AGBL4: variants seen among roughly 807,000 people sequenced by gnomAD.
AGBL4 encodes the protein AGBL carboxypeptidase 4, also known as cytosolic carboxypeptidase 6.
A neutral mutation model predicts 66.4 loss-of-function variants in AGBL4; 58 were observed. The observed-to-expected ratio is 0.87, with a 90% CI of 0.71 to 1.09. The LOEUF is 1.09. Ranked by LOEUF, AGBL4 falls within the 50% of genes least tolerant of loss-of-function variation. The probability of loss-of-function intolerance (pLI) is 0.00; values close to 1 mark genes in which losing one functional copy is unlikely to be tolerated. For missense variants in AGBL4, 579 were observed against 631.0 expected, an observed-to-expected ratio of 0.92 and a Z score of 0.88; for synonymous variants, 234 against 222.9, an observed-to-expected ratio of 1.05 and a Z score of -0.44.
chr1:48,854,986 C>G (rs1027119643), intron 6 of AGBL4, among the ~76,000 whole-genome samples: 1 of 152,166 alleles, frequency 6.6e-6, no homozygotes, highest in Non-Finnish European at 1.5e-5. Flanking sequence ...GTGGATTATT[C>G]ATTTACAAGA....
chr1:48,793,445 G>A (rs1289431539), intron 6 of AGBL4, among the ~76,000 whole-genome samples: 1 of 152,148 alleles, frequency 6.6e-6, no homozygotes, highest in Admixed American at 6.5e-5. Context: ...ATCCATGTCA[G>A]GTACTTCCTG....
At chr1:49,500,643 C>T (rs1480307930) in intron 3 of AGBL4, among the ~76,000 whole-genome samples, 1 of 152,008 alleles carries the variant, frequency 6.6e-6, no homozygotes, top group Non-Finnish European at 1.5e-5. Context: ...AATGTCCTTT[C>T]CCCACTTTAT....
intron 1 of AGBL4, among the ~76,000 whole-genome samples, chr1:49,917,648 C>A (rs1284524040): frequency 2.0e-5 from 3 of 152,086 alleles, no homozygotes; most frequent in Non-Finnish European, 2.9e-5. Context: ...GACTTTAACA[C>A]CCCACTGTCA....
At chr1:49,840,102 G>T (rs1162271684) in intron 2 of AGBL4, among the ~76,000 whole-genome samples, 1 of 151,014 alleles carries the variant, frequency 6.6e-6, no homozygotes, top group African/African-American at 2.4e-5. Context: ...CTGGTCCAGG[G>T]TTTTTTTTTG....
intron 1 of AGBL4, among the ~76,000 whole-genome samples, chr1:49,939,944 C>A (rs1323962153): frequency 6.6e-6 from 1 of 152,236 alleles, no homozygotes; most frequent in East Asian, 1.9e-4. Context: ...ATTTTCGTAA[C>A]CTACTCATCT....
chr1:49,910,793 C>T (rs1224609299), intron 1 of AGBL4, among the ~76,000 whole-genome samples: 1 of 152,046 alleles, frequency 6.6e-6, no homozygotes, highest in African/African-American at 2.4e-5. Context: ...CTAGGCAACA[C>T]GGTGAAAACC....
At chr1:48,946,040 G>A (rs1045229770) in intron 5 of AGBL4, among the ~76,000 whole-genome samples, 4 of 152,046 alleles carry the variant, frequency 2.6e-5, no homozygotes, top group Admixed American at 1.3e-4. Flanking sequence ...TTCTGTTCAC[G>A]CTATTCCACC....
intron 4 of AGBL4, among the ~76,000 whole-genome samples, chr1:49,164,288 C>A (rs1646592802): frequency 6.6e-6 from 1 of 151,974 alleles, no homozygotes; most frequent in African/African-American, 2.4e-5. Context: ...ACTACCAGGT[C>A]AATTGCCTTA....
At chr1:49,412,359 T>C (rs2148628741) in intron 3 of AGBL4, among the ~76,000 whole-genome samples, 1 of 152,150 alleles carries the variant, frequency 6.6e-6, no homozygotes, top group South Asian at 2.1e-4. Context: ...GGACTCTTCT[T>C]ATAAGAACAC....
intron 3 of AGBL4, among the ~76,000 whole-genome samples, chr1:49,337,183 C>T (rs1247943106): frequency 6.6e-6 from 1 of 152,122 alleles, no homozygotes; most frequent in African/African-American, 2.4e-5. Context: ...ACATGGTTAT[C>T]TTCTTCCTTT....
intron 5 of AGBL4, among the ~76,000 whole-genome samples, chr1:49,003,312 C>T (rs533176046): frequency 2.0e-5 from 3 of 152,142 alleles, no homozygotes; most frequent in Admixed American, 6.5e-5. Flanking sequence ...GCAGGAGAAT[C>T]GCTTGAACCC....
chr1:49,313,121 G>T (rs551878744), intron 3 of AGBL4, among the ~76,000 whole-genome samples: 1 of 151,826 alleles, frequency 6.6e-6, no homozygotes, highest in Non-Finnish European at 1.5e-5. Flanking sequence ...GAGAACATGC[G>T]GTGTTTGGTT....
intron 4 of AGBL4, among the ~76,000 whole-genome samples, chr1:49,051,545 T>G (rs1240657950): frequency 1.3e-5 from 2 of 152,150 alleles, no homozygotes; most frequent in African/African-American, 4.8e-5. Context: ...GCTGAATCTC[T>G]CATTTGTCAT....
intron 3 of AGBL4, among the ~76,000 whole-genome samples, chr1:49,260,174 T>C (rs1652985145): frequency 6.6e-6 from 1 of 151,248 alleles, no homozygotes; most frequent in South Asian, 2.1e-4. Context: ...AGAGGGAAAT[T>C]TATAGCACTG....
chr1:49,088,643 A>G (rs928345119), intron 4 of AGBL4, among the ~76,000 whole-genome samples: 9 of 152,176 alleles, frequency 5.9e-5, no homozygotes, highest in Admixed American at 4.6e-4. Flanking sequence ...CTAATCATAC[A>G]ATAATAGTAG....
intron 5 of AGBL4, among the ~76,000 whole-genome samples, chr1:48,997,804 A>G (rs762145158): frequency 1.0e-3 from 152 of 152,354 alleles, no homozygotes; most frequent in Non-Finnish European, 1.9e-3. Context: ...AGCTTGGCAC[A>G]TAAGTGCTTG....
intron 6 of AGBL4, among the ~76,000 whole-genome samples, chr1:48,820,303 T>C (rs373240461): frequency 1.3e-5 from 2 of 152,150 alleles, no homozygotes; most frequent in Non-Finnish European, 2.9e-5. Context: ...GTACAGAATA[T>C]AGAGGCATCA....
chr1:49,271,622 T>C (rs1644061200), intron 3 of AGBL4, among the ~76,000 whole-genome samples: 2 of 152,110 alleles, frequency 1.3e-5, no homozygotes, highest in Admixed American at 6.6e-5. Context: ...ATTTCTTAGT[T>C]GACTAAAACC....
chr1:48,867,052 A>G, intron 6 of AGBL4, 139 bp downstream of exon 6: 1 of 967,300 alleles, frequency 1.0e-6, no homozygotes. Flanking sequence ...GGGGAGGAGA[A>G]GAATCATTCA....
Sources: gnomAD v4.1 joint callset for allele counts (sites outside exome capture counted in the v4.1 genomes callset) on GRCh38, gnomAD v4.1.1 for gene constraint, MANE v1.5 for transcripts, NCBI Gene and HGNC (gene_info 2026-07-23, HGNC 2026-07-21) for gene names.